Variants in DRAP1 observed in about 807,000 individuals in gnomAD.
DRAP1 encodes dr1-associated corepressor.
In DRAP1, 10 loss-of-function variants were observed where a neutral mutation model predicts 24.1. The observed-to-expected ratio is 0.41, with a 90% CI of 0.26 to 0.70. DRAP1 has a LOEUF of 0.70. DRAP1 is among the 30% of genes least tolerant of loss of function. The probability of loss-of-function intolerance (pLI) is 0.29; values close to 1 mark genes in which losing one functional copy is unlikely to be tolerated. For synonymous variants in DRAP1, 122 were observed against 113.8 expected (o/e 1.07, Z -0.46); for missense variants, 264 against 275.6 (o/e 0.96, Z 0.30).
intron 1 of DRAP1, 96 bp from the exon 2 acceptor site, chr11:65,919,684 C>A: frequency 6.5e-7 from 1 of 1,539,110 alleles, no homozygotes; most frequent in South Asian, 1.2e-5. Flanking sequence ...GCGTCCGTGT[C>A]CCCCGCCCCC....
chr11:65,921,011 C>T, intron 6 of DRAP1, 39 bp downstream of exon 6: 2 of 1,499,490 alleles, frequency 1.3e-6, no homozygotes, highest in Non-Finnish European at 9.0e-7. Context: ...CTGGCAGACT[C>T]CCCAGAGCCA....
chr11:65,920,310 T>C, intron 3 of DRAP1, 33 bp from the exon 4 acceptor site: 1 of 1,613,232 alleles, frequency 6.2e-7, no homozygotes, highest in South Asian at 1.1e-5. Flanking sequence ...TCTGGGCCCC[T>C]CTTGAGTGCC....
chr11:65,919,455 G>C lies in DRAP1; in HGVS notation c.-47G>C, dbSNP rs779982473. ...GGCGAGCAGGCCCGGGAGCCGGGAG[G>C]CTGCGGGCGGCGGCGCTGGACCCGA... is the stretch of plus-strand genomic sequence containing the variant. On this transcript the variant is annotated 5_prime_UTR_variant, in exon 1 of 7. Coordinates refer to ENST00000312515, the MANE Select transcript of DRAP1 (RefSeq NM_006442.4). 1 of 1,514,644 alleles carries C rather than the reference G, an allele frequency of 6.6e-7. No homozygotes were observed. Among genetic ancestry groups the C allele is most frequent in the East Asian group, 2.8e-5 (1 of 36,272 alleles). The allele number at this position is 1,514,644 out of a possible 1,614,324, so 93.8% of individuals were successfully genotyped here.
rs1017794261 is a variant in DRAP1 at position 65,919,839 on chromosome 11, G to T, written c.102G>T (p.Val34=). 2.5e-6 allele frequency: 4 copies of T among 1,612,770 alleles called. No individual in the cohort carries two copies. The highest frequency in any genetic ancestry group is 3.4e-6 in the Non-Finnish European group (4 of 1,179,954). The change falls in exon 2 of 7, where the codon GTG becomes GTT. Residue 34 remains valine (V), a synonymous_variant. Transcript: ENST00000312515. The part of the protein sequence containing the change: ...DEEIGKVAAA[V]PVIISRALEL... ...AGATTGGGAAGGTGGCGGCGGCGGT[G>T]CCTGTCATCATCTGTATCCTGCCGG...
chr11:65,920,823 C>A, intron 5 of DRAP1, 61 bp from the exon 6 acceptor site: 1 of 1,530,992 alleles, frequency 6.5e-7, no homozygotes, highest in Non-Finnish European at 8.9e-7. Flanking sequence ...GCTGTCCCTG[C>A]CACTCCCAGT....
rs762018498 is a variant in DRAP1, at chr11:65,921,444, G to T, written c.*9G>T. On this transcript the variant is annotated 3_prime_UTR_variant, in exon 7 of 7. Transcript: ENST00000312515. ...AAGATTACGACTCCTAGCGCCTTCT[G>T]CCCCCCAGACCATAGCCCCTTTTAG... 7.9e-6 allele frequency: 12 copies of T among 1,522,578 alleles called. No individual in the cohort carries two copies. Among genetic ancestry groups the T allele is most frequent in the South Asian group, 2.2e-5 (2 of 88,932 alleles). 94.3% of individuals were successfully genotyped at this position (1,522,578 alleles called of 1,614,324 possible).
At chr11:65,920,216 A>G in intron 3 of DRAP1, 127 bp from the exon 4 acceptor site, 2 of 1,496,622 alleles carry the variant, frequency 1.3e-6, no homozygotes, top group Non-Finnish European at 1.8e-6. Flanking sequence ...TGAGTAAAGC[A>G]GGGCAGGCCC....
chr11:65,919,592 C>G, intron 1 of DRAP1, 49 bp downstream of exon 1: 1 of 1,547,454 alleles, frequency 6.5e-7, no homozygotes, highest in Admixed American at 2.0e-5. Context: ...TCCCGGGTGG[C>G]TTGGGCCCAG....
intron 5 of DRAP1, 25 bp downstream of exon 5, chr11:65,920,687 C>T: frequency 6.8e-7 from 1 of 1,470,358 alleles, no homozygotes; most frequent in Non-Finnish European, 9.0e-7. Flanking sequence ...AGCCCTTCGC[C>T]CTGCCCTTGG....
chr11:65,920,764 C>A, intron 5 of DRAP1, 102 bp downstream of exon 5: 1 of 1,446,098 alleles, frequency 6.9e-7, no homozygotes, highest in Non-Finnish European at 9.3e-7. Flanking sequence ...TTTTCTGCAA[C>A]CTGTTTGCTC....
intron 6 of DRAP1, 23 bp downstream of exon 6, chr11:65,920,995 A>G: frequency 6.3e-7 from 1 of 1,577,922 alleles, no homozygotes; most frequent in Non-Finnish European, 8.6e-7. Context: ...GAGGCATGGG[A>G]GGGTGCTGGC....
chr11:65,921,353 T>C lies in DRAP1; in HGVS notation c.536T>C (p.Phe179Ser). Residue 179 changes from phenylalanine to serine, a missense_variant, in exon 7 of 7, where the codon TTC becomes TCC. By Grantham distance (155) the Phe-to-Ser change is radical. Coordinates refer to ENST00000312515, the MANE Select transcript of DRAP1 (RefSeq NM_006442.4). ...AGCCCCCCGACACCCTTCCTGCCCT[T>C]CGCCTCTACTCTGCCTTTGCCCCCA... ...FQSPPTPFLPFASTLPLPPAP... is the reference protein window; with the variant it reads ...FQSPPTPFLPSASTLPLPPAP... The C allele has an allele frequency of 6.2e-7, 1 of 1,609,354 alleles. No individual in the cohort carries two copies. Among genetic ancestry groups the C allele is most frequent in the Non-Finnish European group, 8.5e-7 (1 of 1,175,938 alleles).
chr11:65,920,006 G>A lies in DRAP1; in HGVS notation c.174G>A (p.Gln58=), dbSNP rs1854528000. 1.2e-6 allele frequency: 2 copies of A among 1,613,742 alleles called. No individual in the cohort carries two copies. The highest frequency in any genetic ancestry group is 1.7e-6 in the Non-Finnish European group (2 of 1,179,928). ...SLLKKACQVT[Q]SRNAKTMTTS... ...TGAAGAAGGCCTGCCAGGTGACCCA[G>A]TCGCGGAACGCGAAGACCATGACCA... Residue 58 remains glutamine (Q), a synonymous_variant, in exon 3 of 7, where the codon CAG becomes CAA. Transcript: ENST00000312515.
Position 65,919,620 on chromosome 11 carries a change from G to A in DRAP1, c.42+77G>A. 1.9e-6 allele frequency: 3 copies of A among 1,541,060 alleles called. No individual in the cohort carries two copies. The African/African-American group carries it at 4.1e-5, about 21-fold the overall frequency. On this transcript the variant is annotated intron_variant, in intron 1 of 6. Coordinates refer to ENST00000312515, the MANE Select transcript of DRAP1 (RefSeq NM_006442.4). Reference sequence around the variant, plus strand: ...GGGCCCAGTTCCCGCTGGGCAGGCGGGCGCGCCGCGGTGTTCGGGGGCCTG... The same window carrying A: ...GGGCCCAGTTCCCGCTGGGCAGGCGAGCGCGCCGCGGTGTTCGGGGGCCTG...
Position 65,920,419 on chromosome 11 carries a change from G to T in DRAP1, c.286G>T (p.Asp96Tyr). 1 of 1,614,150 alleles carries T rather than the reference G, an allele frequency of 6.2e-7. No homozygotes were observed. The highest frequency in any genetic ancestry group is 8.5e-7 in the Non-Finnish European group (1 of 1,180,034). The change falls in exon 4 of 7, where the codon GAC becomes TAC. Residue 96 changes from aspartate (D) to tyrosine (Y), a missense_variant. This residue lies in a region of DRAP1 where 243 missense variants were observed against 233.6 expected (regional missense o/e 1.04). Coordinates refer to ENST00000312515, the MANE Select transcript of DRAP1 (RefSeq NM_006442.4). ...GGCATCTGTTCCCGACATGCAGGGG[G>T]ACGGGGAAGACAACCACATGGATGG... is the stretch of plus-strand genomic sequence containing the variant. The part of the protein sequence containing the change: ...LVASVPDMQG[D>Y]GEDNHMDGDK...
intron 5 of DRAP1, 78 bp from the exon 6 acceptor site, chr11:65,920,806 G>A (rs998768101): frequency 6.7e-7 from 1 of 1,496,016 alleles, no homozygotes; most frequent in African/African-American, 1.4e-5. Flanking sequence ...GGCTATGAGG[G>A]TCTACTGCTG....
In DRAP1 at chr11:65,919,950, C is replaced by A; in HGVS notation, c.118C>A (p.Arg40=). 1 of 1,613,782 alleles carries A rather than the reference C, an allele frequency of 6.2e-7. No individual in the cohort carries two copies. The highest frequency in any genetic ancestry group is 2.2e-5 in the East Asian group (1 of 44,864). The change falls in exon 3 of 7, where the codon CGG becomes AGG. Residue 40 remains arginine (R), a splice_region_variant and synonymous_variant. Coordinates refer to ENST00000312515, the MANE Select transcript of DRAP1 (RefSeq NM_006442.4). ...GAGTTCTCCTTGACGCTCCTCAGCC[C>A]GGGCGCTCGAGCTCTTCCTAGAGTC... ...VAAAVPVIIS[R]ALELFLESLL...
At position 65,920,846 on chromosome 11, in the gene DRAP1, T is replaced by A. The variant is rs775110872; in HGVS notation, c.424-38T>A. The A allele has an allele frequency of 1.2e-5, 19 of 1,582,304 alleles. No individual in the cohort carries two copies. The Admixed American group carries it at 3.1e-4, about 26-fold the overall frequency. On this transcript the variant is annotated intron_variant, in intron 5 of 6. Coordinates refer to ENST00000312515, the MANE Select transcript of DRAP1 (RefSeq NM_006442.4). ...TGCCACTCCCAGTGATGGGTTCGTG[T>A]CTTTTCTTGTCAACTCTGACCTCTG...
intron 3 of DRAP1, 144 bp downstream of exon 3, chr11:65,920,185 T>G: frequency 1.4e-6 from 2 of 1,429,432 alleles, no homozygotes; most frequent in Non-Finnish European, 1.9e-6. Flanking sequence ...GAGGCTGGGC[T>G]TCCAGGCAGA....
Sources: allele counts gnomAD v4.1 joint callset, GRCh38; gene constraint gnomAD v4.1.1; regional missense constraint gnomAD v4.1.1; transcripts MANE v1.5; gene names NCBI Gene and HGNC (gene_info 2026-07-23, HGNC 2026-07-21).